The following ARHGAP22 variants were observed in gnomAD, a reference collection of about 807,000 sequenced individuals.
ARHGAP22 encodes Rho GTPase activating protein 22, also known as rho GTPase-activating protein 22.
ARHGAP22 carries 48 observed loss-of-function variants against 59.1 expected under a neutral mutation model. That is an observed-to-expected ratio of 0.81 (90% CI 0.64 to 1.03). ARHGAP22 has a LOEUF of 1.03. Among genes scored for constraint, ARHGAP22 ranks in the 50% least tolerant of loss-of-function variants. The pLI is 0.00. For missense variants in ARHGAP22, 1,015 were observed against 958.7 expected (o/e 1.06, Z -0.78); for synonymous variants, 445 against 416.4 (o/e 1.07, Z -0.84).
At chr10:48,655,254 TGTGGGG>T (rs1201393132), upstream of ARHGAP22, among the ~76,000 whole-genome samples, 78 of 4,390 alleles carry the variant, frequency 0.018, 1 homozygote, top group Middle Eastern at 0.17. Flanking sequence ...TGTGTGTGTG[TGTGGGG>T]GGGGGGGGGG....
At chr10:48,461,485 C>A (rs2047128994) in intron 4 of ARHGAP22, among the ~76,000 whole-genome samples, 1 of 152,108 alleles carries the variant, frequency 6.6e-6, no homozygotes, top group Non-Finnish European at 1.5e-5. Context: ...GAAAAGAAAT[C>A]AGAGAGAGAA....
intron 1 of ARHGAP22, among the ~76,000 whole-genome samples, chr10:48,599,586 C>A (rs7914253): frequency 0.61 from 92,199 of 152,136 alleles, 29,744 homozygotes; most frequent in Middle Eastern, 0.76. Context: ...TGGGATTCCT[C>A]AACATCACCA....
intron 3 of ARHGAP22, among the ~76,000 whole-genome samples, chr10:48,523,450 A>C (rs1305015965): frequency 2.0e-5 from 3 of 152,240 alleles, no homozygotes; most frequent in East Asian, 3.9e-4. Flanking sequence ...GGCGGCCGCC[A>C]ACGTCCTAAG....
intron 6 of ARHGAP22, among the ~76,000 whole-genome samples, chr10:48,454,629 TA>T (rs2046311445): frequency 6.6e-6 from 1 of 152,124 alleles, no homozygotes; most frequent in Admixed American, 6.5e-5. Flanking sequence ...AAGATATAAA[TA>T]AAAGATGTCC....
At chr10:48,503,828 T>C (rs1309024623) in intron 3 of ARHGAP22, among the ~76,000 whole-genome samples, 1 of 152,276 alleles carries the variant, frequency 6.6e-6, no homozygotes, top group Non-Finnish European at 1.5e-5. Flanking sequence ...TGCTCTGCTA[T>C]GAGTGAACAC....
chr10:48,496,002 G>C (rs1239048172), intron 3 of ARHGAP22, among the ~76,000 whole-genome samples: 3 of 152,120 alleles, frequency 2.0e-5, no homozygotes, highest in African/African-American at 7.2e-5. Flanking sequence ...CATCAGTCAA[G>C]CCTTCAGATG....
chr10:48,628,299 A>G (rs1589234315), intron 1 of ARHGAP22, among the ~76,000 whole-genome samples: 1 of 152,368 alleles, frequency 6.6e-6, no homozygotes, highest in East Asian at 1.9e-4. Context: ...AGCATCTACC[A>G]GGCACCTACC....
rs559112742 is a variant in ARHGAP22, at chr10:48,446,222, G to C, written c.*169C>G. The C allele has an allele frequency of 5.7e-5, 38 of 666,202 alleles. No individual in the cohort carries two copies. The East Asian group carries it at 7.9e-4, about 14-fold the overall frequency. The allele number at this position is 666,202 out of a possible 1,614,324, so 41.3% of individuals were successfully genotyped here. ...TTGGAGCAGCATCTGATCCCACCTG[G>C]AGTGTGTGGGGTCCCAAAAGTCCCC... On this transcript the variant is annotated 3_prime_UTR_variant, in exon 10 of 10. Transcript: ENST00000249601.
At chr10:48,591,965 C>G (rs1469154504) in intron 1 of ARHGAP22, among the ~76,000 whole-genome samples, 12 of 152,194 alleles carry the variant, frequency 7.9e-5, no homozygotes, top group Admixed American at 5.9e-4. Context: ...GCAGAGAGAA[C>G]TACAAATGCA....
chr10:48,486,375 T>C (rs2049861059), intron 3 of ARHGAP22, among the ~76,000 whole-genome samples: 2 of 152,030 alleles, frequency 1.3e-5, no homozygotes, highest in East Asian at 3.8e-4. Context: ...TCTTGCTCTG[T>C]CACCCAGGCT....
chr10:48,500,504 A>G (rs2051399454), intron 3 of ARHGAP22, among the ~76,000 whole-genome samples: 1 of 152,150 alleles, frequency 6.6e-6, no homozygotes, highest in Non-Finnish European at 1.5e-5. Flanking sequence ...TCTCTAATAA[A>G]TGGGATAGGG....
In ARHGAP22 at chr10:48,450,873, C is replaced by A; in HGVS notation, c.1256G>T (p.Gly419Val). The change falls in exon 9 of 10, where the codon GGG becomes GTG. Residue 419 changes from glycine to valine, a missense_variant. Coordinates refer to ENST00000249601, the MANE Select transcript of ARHGAP22 (RefSeq NM_021226.4). ...PTGPGSRCSP[G>V]KKVQTLPSWK... ...ACTGGGCAGGGTCTGCACCTTCTTC[C>A]CAGGGCTGCACCGGCTCCCCGGCCC... 2 of 1,588,994 alleles carry A rather than the reference C, an allele frequency of 1.3e-6. No homozygotes were observed. Among genetic ancestry groups the A allele is most frequent in the Admixed American group, 1.7e-5 (1 of 57,360 alleles).
chr10:48,651,167 G>T (rs2062544583), intron 1 of ARHGAP22, among the ~76,000 whole-genome samples: 1 of 152,090 alleles, frequency 6.6e-6, no homozygotes, highest in African/African-American at 2.4e-5. Context: ...ATCTCTGGAG[G>T]GGGAGCCTGG....
intron 4 of ARHGAP22, among the ~76,000 whole-genome samples, chr10:48,475,790 G>A (rs543455318): frequency 4.6e-5 from 7 of 152,204 alleles, no homozygotes; most frequent in Non-Finnish European, 7.3e-5. Flanking sequence ...AAGGATCCTG[G>A]TAGAAGATGG....
At chr10:48,638,409 T>A (rs967370670) in intron 1 of ARHGAP22, among the ~76,000 whole-genome samples, 1 of 152,074 alleles carries the variant, frequency 6.6e-6, no homozygotes, top group Non-Finnish European at 1.5e-5. Flanking sequence ...GTTGTGTGTG[T>A]GTGTGTATGT....
At chr10:48,500,361 A>T (rs77802180) in intron 3 of ARHGAP22, among the ~76,000 whole-genome samples, 5 of 150,546 alleles carry the variant, frequency 3.3e-5, no homozygotes, top group African/African-American at 1.2e-4. Flanking sequence ...AACAAAAACA[A>T]CAACAAAAAC....
chr10:48,572,289 C>G (rs900506086), intron 2 of ARHGAP22, among the ~76,000 whole-genome samples: 1 of 152,170 alleles, frequency 6.6e-6, no homozygotes, highest in Admixed American at 6.5e-5. Flanking sequence ...AGGCACTAGC[C>G]CTAAGAAACA....
intron 3 of ARHGAP22, among the ~76,000 whole-genome samples, chr10:48,498,398 A>C (rs918411364): frequency 3.3e-5 from 5 of 152,126 alleles, no homozygotes; most frequent in Non-Finnish European, 5.9e-5. Context: ...CAGGTGCTCC[A>C]CATGATGGCC....
chr10:48,527,675 C>T (rs1271109903), intron 3 of ARHGAP22, among the ~76,000 whole-genome samples: 1 of 152,226 alleles, frequency 6.6e-6, no homozygotes, highest in Non-Finnish European at 1.5e-5. Context: ...AAAGCACCCA[C>T]TTAGCATAGA....
Sources: gnomAD v4.1 joint callset for allele counts (sites outside exome capture counted in the v4.1 genomes callset) on GRCh38, gnomAD v4.1.1 for gene constraint, MANE v1.5 for transcripts, NCBI Gene and HGNC (gene_info 2026-07-23, HGNC 2026-07-21) for gene names.